Variants in SHROOM4 observed in about 807,000 individuals in gnomAD.
SHROOM4 encodes the protein shroom family member 4.
Under a neutral mutation model 80.3 loss-of-function variants are expected in SHROOM4, and 17 were observed. The ratio of observed to expected loss-of-function variants is 0.21; its 90% CI spans 0.14 to 0.32. The LOEUF (loss-of-function observed/expected upper bound fraction) is 0.32. Among genes scored for constraint, SHROOM4 ranks in the 10% least tolerant of loss-of-function variants. SHROOM4 has a pLI of 1.00. For synonymous variants in SHROOM4, 400 were observed against 437.5 expected, an observed-to-expected ratio of 0.91 and a Z score of 1.07; for missense variants, 993 against 1,140.3, an observed-to-expected ratio of 0.87 and a Z score of 1.86.
the SHROOM4 span, among the ~76,000 whole-genome samples, chrX:50,581,641 G>C: frequency 8.9e-6 from 1 of 111,954 alleles, no homozygotes; most frequent in African/African-American, 3.2e-5. Context: ...CTCCCTGAGA[G>C]AGCCATCCTG....
chrX:50,655,028 T>C (rs1348801159), intron 2 of SHROOM4, among the ~76,000 whole-genome samples: 6 of 106,793 alleles, frequency 5.6e-5, no homozygotes, highest in Non-Finnish European at 9.6e-5. Context: ...AAGTGGGAGC[T>C]AAACATGTGG....
chrX:50,813,090 C>T (rs1557273593), intron 1 of SHROOM4, among the ~76,000 whole-genome samples: 1 of 110,608 alleles, frequency 9.0e-6, no homozygotes, highest in Admixed American at 9.5e-5. Flanking sequence ...TCCTCAGCTG[C>T]AACTTGGCTT....
chrX:50,756,209 T>C (rs1557268373), intron 1 of SHROOM4, among the ~76,000 whole-genome samples: 1 of 112,018 alleles, frequency 8.9e-6, no homozygotes, highest in Non-Finnish European at 1.9e-5. Flanking sequence ...AAGATTTGTC[T>C]TTTTTGAACA....
chrX:50,730,971 GAGA>G (rs1221080235), intron 1 of SHROOM4, among the ~76,000 whole-genome samples: 1 of 110,309 alleles, frequency 9.1e-6, no homozygotes, highest in Non-Finnish European at 1.9e-5. Context: ...AATGGTAAAT[GAGA>G]AGGTTATTTT....
chrX:50,576,896 T>A, the SHROOM4 span, among the ~76,000 whole-genome samples: 1 of 112,058 alleles, frequency 8.9e-6, no homozygotes, highest in African/African-American at 3.2e-5. Context: ...TTCTCAAATA[T>A]TTCCTCTGTA....
At chrX:50,714,746 T>C (rs1933905845) in intron 1 of SHROOM4, among the ~76,000 whole-genome samples, 1 of 112,118 alleles carries the variant, frequency 8.9e-6, no homozygotes, top group Non-Finnish European at 1.9e-5. Context: ...TGTGAAACTC[T>C]GTAGTCAAAT....
chrX:50,606,669 C>T (rs1929686333), intron 6 of SHROOM4, among the ~76,000 whole-genome samples: 1 of 110,734 alleles, frequency 9.0e-6, no homozygotes, highest in African/African-American at 3.3e-5. Context: ...ACTGGCAGTC[C>T]TGCTGCCAGA....
chrX:50,805,119 C>G (rs1936201458), intron 1 of SHROOM4, among the ~76,000 whole-genome samples: 1 of 111,273 alleles, frequency 9.0e-6, no homozygotes, highest in Admixed American at 9.6e-5. Context: ...AAATGGAAAA[C>G]AGCAAGGCAG....
At chrX:50,704,775 A>C (rs782142205) in intron 1 of SHROOM4, among the ~76,000 whole-genome samples, 2 of 110,979 alleles carry the variant, frequency 1.8e-5, no homozygotes, top group South Asian at 7.9e-4. Context: ...ATGTGGACGA[A>C]GGGAGAGGGG....
At chrX:50,575,542 G>A in the SHROOM4 span, among the ~76,000 whole-genome samples, 1 of 110,956 alleles carries the variant, frequency 9.0e-6, no homozygotes, top group African/African-American at 3.3e-5. Flanking sequence ...TATTCTGTAT[G>A]CCTTTTATTT....
chrX:50,638,400 A>C, intron 2 of SHROOM4, 92 bp from the exon 3 acceptor site: 2 of 1,084,701 alleles, frequency 1.8e-6, no homozygotes, highest in Non-Finnish European at 2.5e-6. Context: ...CTTTTCCTTC[A>C]GTAAAGTAGA....
At chrX:50,608,314 T>G (rs1256855237) in intron 5 of SHROOM4, 130 bp from the exon 6 acceptor site, 4 of 520,524 alleles carry the variant, frequency 7.7e-6, no homozygotes, top group Non-Finnish European at 1.3e-5. Flanking sequence ...AATGTAATAA[T>G]AGTAATAATA....
At chrX:50,802,111 C>T (rs1936134989) in intron 1 of SHROOM4, among the ~76,000 whole-genome samples, 1 of 111,881 alleles carries the variant, frequency 8.9e-6, no homozygotes, top group South Asian at 3.7e-4. Flanking sequence ...TAGCCAGTAA[C>T]ACCTCAGTTG....
chrX:50,582,442 T>G (rs1209525545), downstream of SHROOM4, among the ~76,000 whole-genome samples: 1 of 112,311 alleles, frequency 8.9e-6, no homozygotes, highest in Non-Finnish European at 1.9e-5. Context: ...TTGACTTGTA[T>G]TCAGCATTCT....
At chrX:50,774,257 A>G in intron 1 of SHROOM4, among the ~76,000 whole-genome samples, 1 of 111,563 alleles carries the variant, frequency 9.0e-6, no homozygotes, top group Middle Eastern at 4.6e-3. Flanking sequence ...TTCACACTGA[A>G]GAAGACACTC....
intron 1 of SHROOM4, among the ~76,000 whole-genome samples, chrX:50,731,769 C>A (rs1446978275): frequency 9.0e-6 from 1 of 111,684 alleles, no homozygotes; most frequent in Non-Finnish European, 1.9e-5. Flanking sequence ...GAGAAGCAGC[C>A]TATAAAAATG....
chrX:50,812,317 TAAA>T (rs34184946), intron 1 of SHROOM4, among the ~76,000 whole-genome samples: 5,050 of 66,768 alleles, frequency 0.076, 322 homozygotes, highest in African/African-American at 0.2. Flanking sequence ...GTGTTTTTGT[TAAA>T]AAAAAAAAAA....
rs1557245502 is a variant in SHROOM4 at position 50,591,698 on chromosome X, C to CT, written c.*4996dup. On this transcript the variant is annotated 3_prime_UTR_variant, in exon 9 of 9. Coordinates refer to ENST00000376020, the MANE Select transcript of SHROOM4 (RefSeq NM_020717.5). ...CTTTCTTTCTTTCTTTCTTTCTTTTCTTTCTTTCTTTCTTTCTTTCTTTCT... is the reference window on the plus strand; with the variant it reads ...CTTTCTTTCTTTCTTTCTTTCTTTTCTTTTCTTTCTTTCTTTCTTTCTTTCT... 69 of 9,990 alleles carry CT rather than the reference C, an allele frequency of 6.9e-3. No homozygotes were observed. Among genetic ancestry groups the CT allele is most frequent in the Middle Eastern group, 0.05 (2 of 40 alleles). 0.8% of individuals were successfully genotyped at this position (9,990 alleles called of 1,213,427 possible). A position where few individuals can be genotyped will look rare whatever the true frequency, so the allele number is the denominator to read the frequency against.
chrX:50,688,323 T>C (rs1296597218), intron 2 of SHROOM4, among the ~76,000 whole-genome samples: 1 of 111,353 alleles, frequency 9.0e-6, no homozygotes, highest in East Asian at 2.8e-4. Flanking sequence ...AGCTGAGATA[T>C]AAAATCAATC....
Sources: allele counts gnomAD v4.1 joint callset (sites outside exome capture counted in the v4.1 genomes callset), GRCh38; gene constraint gnomAD v4.1.1; transcripts MANE v1.5; gene names NCBI Gene and HGNC (gene_info 2026-07-23, HGNC 2026-07-21).